STK32B: variants seen among roughly 807,000 people sequenced by gnomAD.
STK32B encodes the protein serine/threonine-protein kinase 32B.
Under a neutral mutation model 52.6 loss-of-function variants are expected in STK32B, and 43 were observed. The ratio of observed to expected loss-of-function variants is 0.82; its 90% CI spans 0.64 to 1.05. STK32B has a LOEUF of 1.05. Ranked by LOEUF, STK32B falls within the 50% of genes least tolerant of loss-of-function variation. STK32B has a pLI of 0.00. For synonymous variants in STK32B, 238 were observed against 204.3 expected, an observed-to-expected ratio of 1.17 and a Z score of -1.41; for missense variants, 621 against 534.6, an observed-to-expected ratio of 1.16 and a Z score of -1.59.
chr4:5,186,304 G>A (rs368862943), intron 3 of STK32B, among the ~76,000 whole-genome samples: 17 of 152,296 alleles, frequency 1.1e-4, no homozygotes, highest in East Asian at 5.8e-4. Context: ...TTTCCTCCGT[G>A]AGCAGTGGGC....
intron 2 of STK32B, among the ~76,000 whole-genome samples, chr4:5,142,899 G>GA (rs1349530533): frequency 2.0e-5 from 3 of 152,142 alleles, no homozygotes; most frequent in Non-Finnish European, 4.4e-5. Context: ...CCAACCATTT[G>GA]AAGACTTTAG....
At chr4:5,340,819 CAT>C (rs1362567216) in intron 4 of STK32B, among the ~76,000 whole-genome samples, 1 of 152,106 alleles carries the variant, frequency 6.6e-6, no homozygotes, top group East Asian at 1.9e-4. Flanking sequence ...TGTATGTACA[CAT>C]ATATATAAAT....
intron 1 of STK32B, among the ~76,000 whole-genome samples, chr4:5,108,933 C>A (rs1190038348): frequency 1.3e-5 from 2 of 152,180 alleles, no homozygotes; most frequent in Admixed American, 6.5e-5. Flanking sequence ...TAATGGAAAC[C>A]TGAAATGGCA....
intron 1 of STK32B, among the ~76,000 whole-genome samples, chr4:5,113,933 T>C (rs1019203544): frequency 3.3e-5 from 5 of 152,058 alleles, no homozygotes; most frequent in African/African-American, 7.2e-5. Flanking sequence ...CCCGCCCCCC[T>C]TTTTAAAAAC....
At chr4:5,494,836 G>T (rs886519118) in intron 11 of STK32B, among the ~76,000 whole-genome samples, 1 of 152,096 alleles carries the variant, frequency 6.6e-6, no homozygotes, top group Admixed American at 6.6e-5. Context: ...CACTTTTGAA[G>T]CTTAGTTTGG....
At chr4:5,331,158 T>C in intron 3 of STK32B, 62 bp from the exon 4 acceptor site, 1 of 1,469,900 alleles carries the variant, frequency 6.8e-7, no homozygotes, top group South Asian at 1.4e-5. Flanking sequence ...ATGGAGGCAT[T>C]GGTCTTGAGG....
intron 11 of STK32B, among the ~76,000 whole-genome samples, chr4:5,492,190 G>A (rs991548459): frequency 1.3e-5 from 2 of 152,194 alleles, no homozygotes; most frequent in South Asian, 2.1e-4. Flanking sequence ...TTTTCATGAT[G>A]TTGATTCTTC....
At chr4:5,314,194 G>A (rs192952180) in intron 3 of STK32B, among the ~76,000 whole-genome samples, 1 of 152,178 alleles carries the variant, frequency 6.6e-6, no homozygotes, top group Non-Finnish European at 1.5e-5. Context: ...TCAAGACAAT[G>A]TGGTATTAGC....
chr4:5,116,227 C>T (rs1714709689), intron 1 of STK32B, among the ~76,000 whole-genome samples: 1 of 151,798 alleles, frequency 6.6e-6, no homozygotes. Flanking sequence ...TCCTACATTA[C>T]CTGCAAGCAA....
At chr4:5,026,472 C>T in the STK32B span, among the ~76,000 whole-genome samples, 1 of 152,156 alleles carries the variant, frequency 6.6e-6, no homozygotes, top group African/African-American at 2.4e-5. Context: ...GAATAAGAAC[C>T]GAGCAAAGGG....
rs527370171 is a variant in STK32B, at chr4:5,340,774, CAT to C, written c.434+9384_434+9385del. 7.9e-4 allele frequency among the ~76,000 whole-genome samples: 120 copies of C among 152,300 alleles called. 1 individual carries two copies. Among genetic ancestry groups the C allele is most frequent in the African/African-American group, 2.8e-3 (118 of 41,566 alleles). On this transcript the variant is annotated intron_variant, in intron 4 of 11. Transcript: ENST00000282908. ...ATATACATATACATACATGTGTTTG[CAT>C]ATGTGTATATATGCACATGGGGTAT...
Position 5,339,878 on chromosome 4 carries a change from T to C in STK32B, c.434+8485T>C, listed in dbSNP as rs1425074527. Among the ~76,000 whole-genome samples the C allele has an allele frequency of 2.6e-5, 4 of 152,324 alleles. No homozygotes were observed. In the East Asian group the frequency reaches 7.7e-4, roughly 29 times the overall value. ...GCTTCTTTTAGACGCCTCATACTTA[T>C]TTCCTCTGTCTGGGGGAACTGGCCT... On this transcript the variant is annotated intron_variant, in intron 4 of 11. Transcript: ENST00000282908.
chr4:5,253,162 G>T (rs916377954), intron 3 of STK32B, among the ~76,000 whole-genome samples: 1 of 152,058 alleles, frequency 6.6e-6, no homozygotes, highest in African/African-American at 2.4e-5. Context: ...GCATTGGGTT[G>T]ATCCACATGC....
At chr4:5,370,279 GTAT>G (rs1735144093) in intron 4 of STK32B, among the ~76,000 whole-genome samples, 1 of 152,192 alleles carries the variant, frequency 6.6e-6, no homozygotes, top group Non-Finnish European at 1.5e-5. Context: ...GTTCGCTGTG[GTAT>G]TATCATTGGC....
In STK32B at chr4:5,317,259, A is replaced by AT. The variant is rs1731090638; in HGVS notation, c.261-13961_261-13960insT. Among the ~76,000 whole-genome samples the AT allele has an allele frequency of 8.8e-5, 4 of 45,558 alleles. 1 individual carries two copies. The highest frequency in any genetic ancestry group is 5.3e-4 in the East Asian group (1 of 1,900). The allele number at this position is 45,558 out of a possible 152,430, so 29.9% of individuals were successfully genotyped here. A position where few individuals can be genotyped will look rare whatever the true frequency, so the allele number is the denominator to read the frequency against. ...CATATATATATTATATATAACATATAACATATATATAATATATAACATATA... is the reference window on the plus strand; with the variant it reads ...CATATATATATTATATATAACATATATACATATATATAATATATAACATATA... On this transcript the variant is annotated intron_variant, in intron 3 of 11. Transcript: ENST00000282908.
At chr4:5,434,161 C>T (rs1394269812) in intron 6 of STK32B, among the ~76,000 whole-genome samples, 2 of 152,168 alleles carry the variant, frequency 1.3e-5, no homozygotes, top group East Asian at 3.9e-4. Context: ...ATCCATAAAG[C>T]ATGCACCATG....
chr4:5,034,689 G>A, the STK32B span, among the ~76,000 whole-genome samples: 1 of 152,168 alleles, frequency 6.6e-6, no homozygotes, highest in Non-Finnish European at 1.5e-5. Context: ...TCCTGCTTGA[G>A]CGATATATTC....
chr4:5,188,489 C>A (rs1482825687), intron 3 of STK32B, among the ~76,000 whole-genome samples: 4 of 152,154 alleles, frequency 2.6e-5, no homozygotes, highest in African/African-American at 9.7e-5. Flanking sequence ...TTTGCACTCA[C>A]TGTTCTCTCT....
At chr4:5,219,029 C>T (rs1723358242) in intron 3 of STK32B, among the ~76,000 whole-genome samples, 1 of 152,204 alleles carries the variant, frequency 6.6e-6, no homozygotes, top group Non-Finnish European at 1.5e-5. Context: ...GCCTGGAGAG[C>T]CCCCTGGTTC....
Sources: gnomAD v4.1 joint callset for allele counts (sites outside exome capture counted in the v4.1 genomes callset) on GRCh38, gnomAD v4.1.1 for gene constraint, MANE v1.5 for transcripts, NCBI Gene and HGNC (gene_info 2026-07-23, HGNC 2026-07-21) for gene names.